Variants in CDH13 observed in about 807,000 individuals in gnomAD.
CDH13 encodes the protein cadherin-13.
In CDH13, 24 loss-of-function variants were observed where a neutral mutation model predicts 63.8. The observed-to-expected ratio is 0.38, with a 90% CI of 0.27 to 0.53. The LOEUF is 0.53. CDH13 is among the 20% of genes least tolerant of loss of function. The probability of loss-of-function intolerance (pLI) is 0.85; values close to 1 mark genes in which losing one functional copy is unlikely to be tolerated. For missense variants in CDH13, 1,049 were observed against 903.1 expected (o/e 1.16, Z -2.07); for synonymous variants, 503 against 355.3 (o/e 1.42, Z -4.67).
chr16:83,229,424 T>C (rs1276233487), intron 5 of CDH13, among the ~76,000 whole-genome samples: 1 of 152,144 alleles, frequency 6.6e-6, no homozygotes, highest in Non-Finnish European at 1.5e-5. Flanking sequence ...ACTGACTCGT[T>C]CTCCCCATTT....
rs371714533 is a variant in CDH13, at chr16:83,044,850, T to A, written c.366+12632T>A. Among the ~76,000 whole-genome samples, 8 of 152,272 alleles carry A rather than the reference T, an allele frequency of 5.3e-5. No homozygotes were observed. The South Asian group carries it at 1.2e-3, about 24-fold the overall frequency. On this transcript the variant is annotated intron_variant, in intron 3 of 13. Transcript: ENST00000567109. ...AGCTCCCCAGCAGCTGCTCGGGGCT[T>A]TCACATAGATGGAATATAGTGTTGT...
At chr16:82,733,584 A>G (rs964504932) in intron 1 of CDH13, among the ~76,000 whole-genome samples, 1 of 152,158 alleles carries the variant, frequency 6.6e-6, no homozygotes, top group African/African-American at 2.4e-5. Context: ...GAGACATTCA[A>G]CATTCCATCT....
intron 6 of CDH13, among the ~76,000 whole-genome samples, chr16:83,447,096 CTTTTTTTT>C (rs750432481): frequency 5.5e-3 from 229 of 41,478 alleles, no homozygotes; most frequent in African/African-American, 8.8e-3. Flanking sequence ...TTATAGTAAC[CTTTTTTTT>C]TTTTTTTTTT....
rs548602734 is a variant in CDH13 at position 83,713,207 on chromosome 16, C to G, written c.1538+34746C>G. 1.4e-4 allele frequency among the ~76,000 whole-genome samples: 21 copies of G among 152,324 alleles called. No homozygotes were observed. The South Asian group carries it at 4.4e-3, about 32-fold the overall frequency. ...TCATTCACTGAGGATTCTTCCAACCCTCTCTCCGTCTAACGGGCTGGGGTC... is the reference window on the plus strand; with the variant it reads ...TCATTCACTGAGGATTCTTCCAACCGTCTCTCCGTCTAACGGGCTGGGGTC... On this transcript the variant is annotated intron_variant, in intron 10 of 13. Coordinates refer to ENST00000567109, the MANE Select transcript of CDH13 (RefSeq NM_001257.5).
chr16:82,915,512 C>T (rs1172575008), intron 2 of CDH13, among the ~76,000 whole-genome samples: 1 of 152,098 alleles, frequency 6.6e-6, no homozygotes, highest in Non-Finnish European at 1.5e-5. Flanking sequence ...TTAGCCTCTG[C>T]TGAAATACAG....
At chr16:83,728,701 T>G (rs908321663) in intron 10 of CDH13, among the ~76,000 whole-genome samples, 2 of 152,194 alleles carry the variant, frequency 1.3e-5, no homozygotes, top group Middle Eastern at 3.2e-3. Context: ...GTATATATGT[T>G]TATATATTAG....
chr16:83,113,894 G>C (rs2035180298), intron 3 of CDH13, among the ~76,000 whole-genome samples: 1 of 152,148 alleles, frequency 6.6e-6, no homozygotes, highest in African/African-American at 2.4e-5. Flanking sequence ...GATCTTCCTG[G>C]CCTTAGGAAA....
intron 6 of CDH13, among the ~76,000 whole-genome samples, chr16:83,356,900 C>G (rs1483406502): frequency 6.6e-6 from 1 of 152,120 alleles, no homozygotes; most frequent in Non-Finnish European, 1.5e-5. Context: ...TTTTATTATT[C>G]AGAAGACTGG....
chr16:82,774,517 A>T (rs1443719274), intron 1 of CDH13, among the ~76,000 whole-genome samples: 1 of 152,174 alleles, frequency 6.6e-6, no homozygotes, highest in Non-Finnish European at 1.5e-5. Context: ...AGGAGGTTTC[A>T]ATCTTGACCT....
rs78461221 is a variant in CDH13 at position 83,231,613 on chromosome 16, C to T, written c.636+14116C>T. 7.2e-3 allele frequency among the ~76,000 whole-genome samples: 1,097 copies of T among 152,222 alleles called. 14 individuals are homozygous for T. Among genetic ancestry groups the T allele is most frequent in the African/African-American group, 0.025 (1,020 of 41,530 alleles). On this transcript the variant is annotated intron_variant, in intron 5 of 13. Coordinates refer to ENST00000567109, the MANE Select transcript of CDH13 (RefSeq NM_001257.5). ...GCAAACTGTGGCCTGCAGGCCCACT[C>T]CATTTTCACCCACTCATTGCATATT...
At chr16:83,294,629 T>C (rs1457167914) in intron 5 of CDH13, among the ~76,000 whole-genome samples, 3 of 151,780 alleles carry the variant, frequency 2.0e-5, no homozygotes, top group Non-Finnish European at 4.4e-5. Flanking sequence ...TATATATATA[T>C]GTGATATTCA....
chr16:83,052,776 C>CAAAAAAAAAAAAAAAA (rs71148805), intron 3 of CDH13, among the ~76,000 whole-genome samples: 1 of 92,920 alleles, frequency 1.1e-5, no homozygotes, highest in Admixed American at 1.1e-4. Context: ...GACTTTATCT[C>CAAAAAAAAAAAAAAAA]AAAAAAAAAA....
At chr16:82,832,040 G>C (rs1449718314) in intron 1 of CDH13, among the ~76,000 whole-genome samples, 1 of 152,182 alleles carries the variant, frequency 6.6e-6, no homozygotes, top group Non-Finnish European at 1.5e-5. Context: ...AATTAGAATA[G>C]AAGTTACATA....
Position 82,754,711 on chromosome 16 carries a change from A to G in CDH13, c.46-103651A>G, listed in dbSNP as rs982093566. Among the ~76,000 whole-genome samples, 7 of 152,336 alleles carry G rather than the reference A, an allele frequency of 4.6e-5. No individual in the cohort carries two copies. The South Asian group carries it at 1.0e-3, about 23-fold the overall frequency. Reference sequence around the variant, plus strand: ...CTCTACCTTTTGTTACGATGATTATATGGCAAAATGCAAAACAACTTGACA... The same window carrying G: ...CTCTACCTTTTGTTACGATGATTATGTGGCAAAATGCAAAACAACTTGACA... On this transcript the variant is annotated intron_variant, in intron 1 of 13. Transcript: ENST00000567109.
At chr16:83,084,770 C>T (rs1023993549) in intron 3 of CDH13, among the ~76,000 whole-genome samples, 1 of 152,128 alleles carries the variant, frequency 6.6e-6, no homozygotes, top group African/African-American at 2.4e-5. Context: ...CACCTGTAAT[C>T]CCAGCTACTC....
At chr16:83,627,858 A>G (rs1044856567) in intron 8 of CDH13, among the ~76,000 whole-genome samples, 1 of 152,230 alleles carries the variant, frequency 6.6e-6, no homozygotes, top group Non-Finnish European at 1.5e-5. Context: ...AGCAGCCCCA[A>G]GGGCCAAAGG....
chr16:83,193,786 T>G (rs2038795411), intron 4 of CDH13, among the ~76,000 whole-genome samples: 1 of 152,200 alleles, frequency 6.6e-6, no homozygotes, highest in South Asian at 2.1e-4. Context: ...TAGATTTGAT[T>G]AACAGCTCTT....
intron 3 of CDH13, among the ~76,000 whole-genome samples, chr16:83,102,949 T>TTTTTTTTTTTTTTTC (rs2034566718): frequency 4.4e-5 from 2 of 45,324 alleles, no homozygotes; most frequent in Non-Finnish European, 1.0e-4. Context: ...TTTCTTTTTC[T>TTTTTTTTTTTTTTTC]TTTTTTTTTT....
At chr16:82,873,628 A>T (rs1190754655) in intron 2 of CDH13, among the ~76,000 whole-genome samples, 1 of 152,202 alleles carries the variant, frequency 6.6e-6, no homozygotes, top group African/African-American at 2.4e-5. Flanking sequence ...ATAGTATTTC[A>T]AGGATTAAAC....
Sources: allele counts gnomAD v4.1 joint callset (sites outside exome capture counted in the v4.1 genomes callset), GRCh38; gene constraint gnomAD v4.1.1; transcripts MANE v1.5; gene names NCBI Gene and HGNC (gene_info 2026-07-23, HGNC 2026-07-21).